The following KIF18A variants were observed in gnomAD, a reference collection of about 807,000 sequenced individuals.
The protein encoded by KIF18A is kinesin-like protein KIF18A.
Under a neutral mutation model 103.3 loss-of-function variants are expected in KIF18A, and 67 were observed. The ratio of observed to expected loss-of-function variants is 0.65; its 90% CI spans 0.53 to 0.79. KIF18A has a LOEUF of 0.79. Among genes scored for constraint, KIF18A ranks in the 30% least tolerant of loss-of-function variants. KIF18A has a pLI of 0.00. For synonymous variants in KIF18A, 367 were observed against 355.5 expected (o/e 1.03, Z -0.36); for missense variants, 1,032 against 1,062.5 (o/e 0.97, Z 0.40).
intron 10 of KIF18A, among the ~76,000 whole-genome samples, chr11:28,072,207 G>A (rs1290340806): frequency 6.6e-6 from 1 of 152,060 alleles, no homozygotes; most frequent in Non-Finnish European, 1.5e-5. Context: ...AAAATCCCCT[G>A]CACACCACAA....
chr11:28,073,426 T>A (rs892719680), intron 10 of KIF18A, among the ~76,000 whole-genome samples: 1 of 152,140 alleles, frequency 6.6e-6, no homozygotes, highest in Non-Finnish European at 1.5e-5. Flanking sequence ...TGCTTACTTT[T>A]CTGAATAGCT....
intron 1 of KIF18A, among the ~76,000 whole-genome samples, chr11:28,103,018 G>C (rs1851465237): frequency 6.6e-6 from 1 of 152,140 alleles, no homozygotes; most frequent in Admixed American, 6.5e-5. Flanking sequence ...ATTCTTTTCA[G>C]ACAGCTGTTC....
At chr11:28,066,017 T>G (rs544370889) in intron 11 of KIF18A, among the ~76,000 whole-genome samples, 1 of 152,106 alleles carries the variant, frequency 6.6e-6, no homozygotes, top group South Asian at 2.1e-4. Context: ...TTGAGAAAAT[T>G]TTTGCCAACT....
intron 1 of KIF18A, among the ~76,000 whole-genome samples, chr11:28,100,668 G>A (rs796664733): frequency 1.2e-4 from 18 of 151,758 alleles, no homozygotes; most frequent in South Asian, 4.2e-4. Context: ...ATATACTTTC[G>A]GACAGAATTC....
intron 13 of KIF18A, among the ~76,000 whole-genome samples, chr11:28,055,248 T>G (rs1590681546): frequency 6.6e-6 from 1 of 152,188 alleles, no homozygotes; most frequent in East Asian, 1.9e-4. Flanking sequence ...GAACTTCTGC[T>G]AATAATAAAG....
At chr11:28,087,076 A>G (rs530780915) in intron 6 of KIF18A, among the ~76,000 whole-genome samples, 1 of 152,150 alleles carries the variant, frequency 6.6e-6, no homozygotes. Flanking sequence ...TAAAAAAATT[A>G]AATTTAATTT....
intron 13 of KIF18A, among the ~76,000 whole-genome samples, chr11:28,046,100 T>G (rs1378604295): frequency 1.3e-5 from 2 of 151,144 alleles, no homozygotes; most frequent in African/African-American, 4.9e-5. Flanking sequence ...TTGGTGGGAC[T>G]GTCAACTAGT....
rs561167739 is a variant in KIF18A, at chr11:28,040,694, G to A, written c.1949-4030C>T. Among the ~76,000 whole-genome samples, 3 of 151,772 alleles carry A rather than the reference G, an allele frequency of 2.0e-5. No homozygotes were observed. The East Asian group carries it at 5.8e-4, about 29-fold the overall frequency. ...AATAGGGAAGACTGGCAGTCACTTGGGAAGACATATCTCTAGGGTCTATCT... is the reference window on the plus strand; with the variant it reads ...AATAGGGAAGACTGGCAGTCACTTGAGAAGACATATCTCTAGGGTCTATCT... On this transcript the variant is annotated intron_variant, in intron 13 of 16. Transcript: ENST00000263181.
intron 13 of KIF18A, among the ~76,000 whole-genome samples, chr11:28,052,912 C>T (rs1850729114): frequency 6.6e-6 from 1 of 151,794 alleles, no homozygotes; most frequent in African/African-American, 2.4e-5. Flanking sequence ...GGGCAATTCA[C>T]AGAAAAAAGA....
intron 9 of KIF18A, among the ~76,000 whole-genome samples, chr11:28,081,569 A>T (rs1851165588): frequency 6.6e-6 from 1 of 152,180 alleles, no homozygotes; most frequent in African/African-American, 2.4e-5. Context: ...TCAGAAAAAA[A>T]GATTCCTTTC....
intron 1 of KIF18A, among the ~76,000 whole-genome samples, chr11:28,099,219 G>A: frequency 6.6e-6 from 1 of 152,072 alleles, no homozygotes; most frequent in Non-Finnish European, 1.5e-5. Flanking sequence ...ATTATGCTAA[G>A]TAAAATAAGC....
rs538321159 is a variant in KIF18A at position 28,034,894 on chromosome 11, A to G, written c.2504+493T>C. Among the ~76,000 whole-genome samples, 3 of 151,716 alleles carry G rather than the reference A, an allele frequency of 2.0e-5. No individual in the cohort carries two copies. In the East Asian group the frequency reaches 5.8e-4, roughly 30 times the overall value. On this transcript the variant is annotated intron_variant, in intron 15 of 16. Coordinates refer to ENST00000263181, the MANE Select transcript of KIF18A (RefSeq NM_031217.4). The stretch of plus-strand genomic sequence containing the variant: ...TTCAAGCAGCTGTTGGTTCTATTTT[A>G]TGCACTTTTTACAACTGTTCTTGAT...
intron 1 of KIF18A, among the ~76,000 whole-genome samples, chr11:28,101,060 A>G (rs1414893483): frequency 6.6e-6 from 1 of 152,166 alleles, no homozygotes; most frequent in Admixed American, 6.5e-5. Flanking sequence ...TTCTTGCCAA[A>G]GAGACTGAGT....
At chr11:28,057,832 T>TA (rs1479733028) in intron 13 of KIF18A, among the ~76,000 whole-genome samples, 1 of 151,922 alleles carries the variant, frequency 6.6e-6, no homozygotes, top group Non-Finnish European at 1.5e-5. Context: ...TCAAAAACAA[T>TA]AAAAAAATGA....
At chr11:28,080,528 T>C (rs1851152421) in intron 9 of KIF18A, among the ~76,000 whole-genome samples, 2 of 152,112 alleles carry the variant, frequency 1.3e-5, no homozygotes, top group Non-Finnish European at 2.9e-5. Flanking sequence ...CAATGATCTT[T>C]GATGTTACCA....
intron 6 of KIF18A, among the ~76,000 whole-genome samples, chr11:28,085,799 C>T (rs751024408): frequency 1.3e-5 from 2 of 151,980 alleles, no homozygotes; most frequent in South Asian, 2.1e-4. Context: ...TACAATCTCT[C>T]GTCTCCGCAC....
intron 15 of KIF18A, among the ~76,000 whole-genome samples, chr11:28,025,752 G>C (rs1235134401): frequency 6.6e-6 from 1 of 151,864 alleles, no homozygotes; most frequent in Non-Finnish European, 1.5e-5. Context: ...TTATGTTAAA[G>C]GCTATACTGA....
chr11:28,047,820 T>C (rs1159857253), intron 13 of KIF18A, among the ~76,000 whole-genome samples: 1 of 152,136 alleles, frequency 6.6e-6, no homozygotes, highest in Non-Finnish European at 1.5e-5. Context: ...CTATTTCCTA[T>C]TATTACTGAA....
At chr11:28,099,292 C>T (rs1435780790) in intron 1 of KIF18A, among the ~76,000 whole-genome samples, 1 of 151,638 alleles carries the variant, frequency 6.6e-6, no homozygotes, top group African/African-American at 2.4e-5. Flanking sequence ...AATATGAACA[C>T]AGAGAAGTAG....
Sources: gnomAD v4.1 joint callset for allele counts (sites outside exome capture counted in the v4.1 genomes callset) on GRCh38, gnomAD v4.1.1 for gene constraint, MANE v1.5 for transcripts, NCBI Gene and HGNC (gene_info 2026-07-23, HGNC 2026-07-21) for gene names.